The following SPDYE3 variants were observed in gnomAD, a reference collection of about 807,000 sequenced individuals.
The protein encoded by SPDYE3 is speedy/RINGO cell cycle regulator family member E3.
Under a neutral mutation model 55.0 loss-of-function variants are expected in SPDYE3, and 15 were observed. The ratio of observed to expected loss-of-function variants is 0.27; its 90% confidence interval spans 0.18 to 0.42. The LOEUF (loss-of-function observed/expected upper bound fraction) is 0.42, where lower values mean the gene tolerates loss of function less well. Ranked by LOEUF, SPDYE3 falls within the 10% of genes least tolerant of loss-of-function variation. SPDYE3 has a pLI of 1.00. For missense variants in SPDYE3, 236 were observed against 576.7 expected (o/e 0.41, Z 6.05); for synonymous variants, 89 against 229.9 (o/e 0.39, Z 5.55).
chr7:100,315,722 C>T, intron 6 of SPDYE3, 63 bp from the exon 7 acceptor site: 1 of 1,596,514 alleles, frequency 6.3e-7, no homozygotes, highest in South Asian at 1.1e-5. Flanking sequence ...CTCCTCACTG[C>T]CCTGCTGCTC....
chr7:100,315,643 C>G, intron 6 of SPDYE3, 142 bp from the exon 7 acceptor site: 1 of 1,327,050 alleles, frequency 7.5e-7, no homozygotes. Flanking sequence ...CAGTGAAAGT[C>G]ATTCTCCCCT....
rs1403212187 is a variant in SPDYE3, at chr7:100,307,817, G to T, written c.-69G>T. 12 of 1,520,044 alleles carry T rather than the reference G, an allele frequency of 7.9e-6. No individual in the cohort carries two copies. The Admixed American group carries it at 2.4e-4, about 30-fold the overall frequency. 94.2% of individuals were successfully genotyped at this position (1,520,044 alleles called of 1,614,324 possible). A position where few individuals can be genotyped will look rare whatever the true frequency, so the allele number is the denominator to read the frequency against. Reference sequence around the variant, plus strand: ...ACACACTCTTCTGGATCCCAGCAGTGTCCAGAAGAAGACCAAGGACAGAAC... The same window carrying T: ...ACACACTCTTCTGGATCCCAGCAGTTTCCAGAAGAAGACCAAGGACAGAAC... On this transcript the variant is annotated 5_prime_UTR_variant, in exon 1 of 11. Transcript: ENST00000332397.
chr7:100,308,190 C>T (rs746670534), intron 1 of SPDYE3, among the ~76,000 whole-genome samples, 199 bp downstream of exon 1: 3 of 151,188 alleles, frequency 2.0e-5, no homozygotes, highest in East Asian at 1.9e-4. Context: ...ATTAGCCAGG[C>T]GGTAGTGGTG....
intron 8 of SPDYE3, among the ~76,000 whole-genome samples, chr7:100,317,906 G>A (rs1294648220): frequency 6.7e-5 from 10 of 149,262 alleles, no homozygotes; most frequent in Admixed American, 6.7e-4. Context: ...AACCTGGGAG[G>A]CGGAGCTTGC....
intron 10 of SPDYE3, chr7:100,320,300 A>G: frequency 1.1e-5 from 12 of 1,082,678 alleles, no homozygotes; most frequent in Non-Finnish European, 1.5e-5. Context: ...CCGGGGCGAC[A>G]GAGTGAGACC....
chr7:100,317,079 G>A lies in SPDYE3; in HGVS notation c.1270G>A (p.Ala424Thr). 1 of 1,607,580 alleles carries A rather than the reference G, an allele frequency of 6.2e-7. No individual in the cohort carries two copies. The highest frequency in any genetic ancestry group is 8.5e-7 in the Non-Finnish European group (1 of 1,176,014). Residue 424 changes from alanine to threonine, a missense_variant, in exon 8 of 11, where the codon GCT (alanine) becomes ACT (threonine). Physicochemically the swap from Ala to Thr is moderately conservative, Grantham distance 58. Coordinates refer to ENST00000332397, the MANE Select transcript of SPDYE3 (RefSeq NM_001004351.5). ...CCTTTCTCTCCATCAGTATCTCCTG[G>A]CTATGGTCATAGCGTATTTCAGCCG... Reference protein sequence around the residue: ...DLRVSDKYLLAMVIAYFSRAG... With the variant: ...DLRVSDKYLLTMVIAYFSRAG...
chr7:100,313,053 G>C, intron 4 of SPDYE3, 87 bp from the exon 5 acceptor site: 1 of 546,334 alleles, frequency 1.8e-6, no homozygotes. Context: ...AGGCTGGGGA[G>C]GATGGAGAGT....
chr7:100,321,405 G>C lies in SPDYE3; in HGVS notation c.*560G>C. On this transcript the variant is annotated 3_prime_UTR_variant, in exon 11 of 11. Transcript: ENST00000332397. ...TATTTCAAATAGTTTGGAAATTGTT[G>C]TACTTTTGAAAACATGCTGTTCCTG... 1 of 242,996 alleles carries C rather than the reference G, an allele frequency of 4.1e-6. No homozygotes were observed. Among genetic ancestry groups the C allele is most frequent in the Non-Finnish European group, 8.2e-6 (1 of 122,268 alleles). 15.1% of individuals were successfully genotyped at this position (242,996 alleles called of 1,614,324 possible). A position where few individuals can be genotyped will look rare whatever the true frequency, so the allele number is the denominator to read the frequency against.
chr7:100,312,540 G>T (rs1265611229), intron 4 of SPDYE3, among the ~76,000 whole-genome samples: 4 of 136,236 alleles, frequency 2.9e-5, no homozygotes, highest in African/African-American at 1.1e-4. Flanking sequence ...AGAAGGGTCA[G>T]AGGTCAGGAA....
intron 6 of SPDYE3, among the ~76,000 whole-genome samples, chr7:100,315,188 A>T (rs1033427098): frequency 3.3e-5 from 5 of 152,146 alleles, no homozygotes; most frequent in African/African-American, 1.2e-4. Context: ...CTGAGACAGG[A>T]GAATTGCTTA....
rs1375103118 is a variant in SPDYE3, at chr7:100,320,030, G to C, written c.*40G>C. ...TGGAGGCCTGAGGTCATCGGCCTGA[G>C]AGAAGGTACATCTGCATCCTCCGGG... is the stretch of plus-strand genomic sequence containing the variant. On this transcript the variant is annotated 3_prime_UTR_variant, in exon 10 of 11. Transcript: ENST00000332397. 13 of 1,604,810 alleles carry C rather than the reference G, an allele frequency of 8.1e-6. No individual in the cohort carries two copies. Among genetic ancestry groups the C allele is most frequent in the East Asian group, 4.5e-5 (2 of 44,882 alleles).
At chr7:100,317,028 A>G in intron 7 of SPDYE3, 42 bp from the exon 8 acceptor site, 1 of 1,590,854 alleles carries the variant, frequency 6.3e-7, no homozygotes, top group East Asian at 2.2e-5. Context: ...TCCTCTCCCA[A>G]GATGTGACCT....
chr7:100,316,120 A>G (rs1445273292), intron 7 of SPDYE3, among the ~76,000 whole-genome samples: 1 of 151,984 alleles, frequency 6.6e-6, no homozygotes, highest in Non-Finnish European at 1.5e-5. Flanking sequence ...ACAAACGTGA[A>G]CCACCACGCC....
rs1405437311 is a variant in SPDYE3 at position 100,311,598 on chromosome 7, G to T, written c.545-152G>T. Among the ~76,000 whole-genome samples the T allele has an allele frequency of 3.6e-5, 5 of 139,030 alleles. 1 individual carries two copies. Among genetic ancestry groups the T allele is most frequent in the Non-Finnish European group, 7.8e-5 (5 of 63,906 alleles). 91.2% of individuals were successfully genotyped at this position (139,030 alleles called of 152,430 possible). ...TGGGGAGGGGAAGGAGTGGCACATG[G>T]GGTTGAGCAGAGGAGAAAGTCAGAA... On this transcript the variant is annotated intron_variant, in intron 3 of 10. Coordinates refer to ENST00000332397, the MANE Select transcript of SPDYE3 (RefSeq NM_001004351.5).
At chr7:100,309,744 A>AGAG (rs1322885848) in intron 2 of SPDYE3, among the ~76,000 whole-genome samples, 16 of 143,808 alleles carry the variant, frequency 1.1e-4, no homozygotes, top group Admixed American at 2.8e-4. Context: ...AAAAAGAAGA[A>AGAG]AAAAAAGAAG....
At position 100,313,184 on chromosome 7, in the gene SPDYE3, AAAAGG is replaced by A. The variant is rs1222855833; in HGVS notation, c.811_815del (p.Arg271GlufsTer6). ...CCCCCCACGTAGGTCCCTTGGCTGC[AAAAGG>A]AAGAGGGAGTGTTTGGATGAATCTG... On this transcript the variant is annotated frameshift_variant, in exon 5 of 11. Coordinates refer to ENST00000332397, the MANE Select transcript of SPDYE3 (RefSeq NM_001004351.5). LOFTEE classifies it high-confidence loss of function. The A allele has an allele frequency of 9.0e-7, 1 of 1,108,048 alleles. No homozygotes were observed. Among genetic ancestry groups the A allele is most frequent in the Non-Finnish European group, 1.3e-6 (1 of 791,742 alleles). 68.6% of individuals were successfully genotyped at this position (1,108,048 alleles called of 1,614,324 possible).
Position 100,316,438 on chromosome 7 carries a change from C to T in SPDYE3, c.1260+595C>T, listed in dbSNP as rs143611876. On this transcript the variant is annotated intron_variant, in intron 7 of 10. Transcript: ENST00000332397. ...CTGAGGAGCTGGGACTAGGCACATG[C>T]CACCATGCTCAACGAATTTTTGAAA... is the stretch of plus-strand genomic sequence containing the variant. Among the ~76,000 whole-genome samples, 449 of 152,322 alleles carry T rather than the reference C, an allele frequency of 2.9e-3. 2 individuals are homozygous for T. Among genetic ancestry groups the T allele is most frequent in the African/African-American group, 0.01 (424 of 41,582 alleles).
At chr7:100,318,398 C>G (rs1426362394) in intron 8 of SPDYE3, among the ~76,000 whole-genome samples, 1 of 152,198 alleles carries the variant, frequency 6.6e-6, no homozygotes, top group East Asian at 1.9e-4. Context: ...TACAACCACA[C>G]TGGCTCGCCA....
At chr7:100,317,633 A>T (rs1271471347) in intron 8 of SPDYE3, among the ~76,000 whole-genome samples, 1 of 150,378 alleles carries the variant, frequency 6.6e-6, no homozygotes, top group Admixed American at 6.6e-5. Flanking sequence ...AAAAAAAAAC[A>T]GGCAAAAAAA....
Sources: allele counts gnomAD v4.1 joint callset (sites outside exome capture counted in the v4.1 genomes callset), GRCh38; gene constraint gnomAD v4.1.1; transcripts MANE v1.5; gene names NCBI Gene and HGNC (gene_info 2026-07-23, HGNC 2026-07-21).